Variants in MICU1 observed in about 807,000 individuals in gnomAD.
MICU1 encodes calcium uptake protein 1, mitochondrial.
A neutral mutation model predicts 56.8 loss-of-function variants in MICU1; 45 were observed. The observed-to-expected ratio is 0.79, with a 90% confidence interval of 0.62 to 1.02. The LOEUF (loss-of-function observed/expected upper bound fraction) is 1.02. MICU1 is among the 50% of genes least tolerant of loss of function. The pLI is 0.00. For missense variants in MICU1, 504 were observed against 587.1 expected, an observed-to-expected ratio of 0.86 and a Z score of 1.46; for synonymous variants, 186 against 195.1, an observed-to-expected ratio of 0.95 and a Z score of 0.39.
At chr10:72,553,848 TC>T (rs1840096165) in intron 3 of MICU1, among the ~76,000 whole-genome samples, 1 of 152,172 alleles carries the variant, frequency 6.6e-6, no homozygotes, top group South Asian at 2.1e-4. Flanking sequence ...TTGCTTTTTT[TC>T]CACTTAGCAT....
At chr10:72,530,153 C>T (rs1165163250) in intron 5 of MICU1, among the ~76,000 whole-genome samples, 4 of 150,884 alleles carry the variant, frequency 2.7e-5, no homozygotes, top group Non-Finnish European at 5.9e-5. Flanking sequence ...CATGGTAAAA[C>T]CCCGTCTCTA....
At chr10:72,543,078 G>T (rs2132428134) in intron 4 of MICU1, among the ~76,000 whole-genome samples, 1 of 152,292 alleles carries the variant, frequency 6.6e-6, no homozygotes, top group African/African-American at 2.4e-5. Context: ...GGTGGGCCAT[G>T]GGTAGTTTAG....
intron 1 of MICU1, among the ~76,000 whole-genome samples, chr10:72,573,026 A>G (rs1488106050): frequency 6.6e-6 from 1 of 152,164 alleles, no homozygotes; most frequent in Non-Finnish European, 1.5e-5. Context: ...ATCATAGTTT[A>G]TAATAGCAAA....
intron 1 of MICU1, among the ~76,000 whole-genome samples, chr10:72,587,667 C>G (rs1229042092): frequency 6.6e-6 from 1 of 151,856 alleles, no homozygotes; most frequent in Non-Finnish European, 1.5e-5. Flanking sequence ...GTCTGTAATC[C>G]TAGCTACCTG....
chr10:72,534,451 A>G (rs1465912145), intron 4 of MICU1, among the ~76,000 whole-genome samples: 4 of 152,302 alleles, frequency 2.6e-5, no homozygotes, highest in Non-Finnish European at 5.9e-5. Context: ...GAATGAATGA[A>G]TAAGAAACAG....
intron 8 of MICU1, among the ~76,000 whole-genome samples, chr10:72,457,934 C>T (rs974600645): frequency 2.0e-5 from 3 of 151,968 alleles, no homozygotes; most frequent in Non-Finnish European, 4.4e-5. Flanking sequence ...TTTGGGAAGC[C>T]GAGGCGGGTG....
Position 72,558,511 on chromosome 10 carries a change from C to T in MICU1, c.330+4384G>A, listed in dbSNP as rs547050057. Among the ~76,000 whole-genome samples the T allele has an allele frequency of 2.6e-5, 4 of 152,244 alleles. 1 individual carries two copies. The highest frequency in any genetic ancestry group is 9.6e-5 in the African/African-American group (4 of 41,534). ...ATTCATTGAATAAAACCAGAAGAAGCTACGGCAGGGCTTCTCTTGACCATG... is the reference window on the plus strand; with the variant it reads ...ATTCATTGAATAAAACCAGAAGAAGTTACGGCAGGGCTTCTCTTGACCATG... On this transcript the variant is annotated intron_variant, in intron 3 of 11. Transcript: ENST00000361114.
intron 8 of MICU1, among the ~76,000 whole-genome samples, chr10:72,423,864 A>G (rs1240401900): frequency 3.9e-5 from 6 of 152,244 alleles, no homozygotes; most frequent in African/African-American, 7.2e-5. Flanking sequence ...GAAGAGTAAT[A>G]TATTTTCAAG....
At chr10:72,425,304 G>A (rs1864311389) in intron 8 of MICU1, among the ~76,000 whole-genome samples, 1 of 152,210 alleles carries the variant, frequency 6.6e-6, no homozygotes, top group Non-Finnish European at 1.5e-5. Flanking sequence ...TGAATTTTCA[G>A]CTTTATCTCA....
At chr10:72,485,899 G>A (rs113084579) in intron 6 of MICU1, among the ~76,000 whole-genome samples, 17 of 141,384 alleles carry the variant, frequency 1.2e-4, no homozygotes, top group Admixed American at 2.1e-4. Context: ...ACACACACAC[G>A]CACACACACA....
At chr10:72,370,270 G>A (rs548801696) in intron 11 of MICU1, among the ~76,000 whole-genome samples, 1 of 152,176 alleles carries the variant, frequency 6.6e-6, no homozygotes, top group South Asian at 2.1e-4. Context: ...AGACACCCAG[G>A]GGCCTGTTGA....
intron 1 of MICU1, among the ~76,000 whole-genome samples, chr10:72,616,242 C>T (rs933336598): frequency 1.3e-5 from 2 of 152,008 alleles, no homozygotes; most frequent in African/African-American, 4.8e-5. Flanking sequence ...TCTTGTATTC[C>T]TATAATTATT....
chr10:72,489,290 TCACACACACACACA>T (rs67070756), intron 6 of MICU1, among the ~76,000 whole-genome samples: 3 of 141,556 alleles, frequency 2.1e-5, no homozygotes, highest in East Asian at 4.2e-4. Flanking sequence ...CGAGACTCTG[TCACACACACACACA>T]CACACACACA....
intron 5 of MICU1, among the ~76,000 whole-genome samples, chr10:72,510,829 G>A (rs926954201): frequency 6.6e-6 from 1 of 151,916 alleles, no homozygotes; most frequent in Non-Finnish European, 1.5e-5. Flanking sequence ...GACGGGTTTT[G>A]CCATGTTGGC....
intron 8 of MICU1, among the ~76,000 whole-genome samples, chr10:72,463,690 C>T (rs1865704645): frequency 6.6e-6 from 1 of 152,146 alleles, no homozygotes; most frequent in Non-Finnish European, 1.5e-5. Flanking sequence ...CTGAAAAATT[C>T]CTATCACCTA....
chr10:72,389,478 T>G (rs9663479), intron 10 of MICU1, among the ~76,000 whole-genome samples: 66,615 of 151,768 alleles, frequency 0.44, 18,527 homozygotes, highest in Non-Finnish European at 0.64. Context: ...TTTTATTATT[T>G]GTTCTTTTGG....
intron 8 of MICU1, among the ~76,000 whole-genome samples, chr10:72,434,162 T>G (rs1175413466): frequency 6.6e-6 from 1 of 152,126 alleles, no homozygotes; most frequent in African/African-American, 2.4e-5. Flanking sequence ...AAATGGGCCA[T>G]CTTCCTTACT....
At chr10:72,484,619 T>C (rs988602759) in intron 6 of MICU1, among the ~76,000 whole-genome samples, 1 of 152,084 alleles carries the variant, frequency 6.6e-6, no homozygotes, top group African/African-American at 2.4e-5. Flanking sequence ...TCCTAGCACT[T>C]TGGGAGGCTG....
chr10:72,407,733 T>C (rs1314818786), intron 10 of MICU1, among the ~76,000 whole-genome samples, 196 bp downstream of exon 10: 1 of 152,182 alleles, frequency 6.6e-6, no homozygotes, highest in Admixed American at 6.6e-5. Context: ...ACTACGGCCT[T>C]AGCACAAGAA....
Sources: gnomAD v4.1 joint callset for allele counts (sites outside exome capture counted in the v4.1 genomes callset) on GRCh38, gnomAD v4.1.1 for gene constraint, MANE v1.5 for transcripts, NCBI Gene and HGNC (gene_info 2026-07-23, HGNC 2026-07-21) for gene names.